The following PTPRN2 variants were observed in gnomAD, a reference collection of about 807,000 sequenced individuals.
PTPRN2 encodes receptor-type tyrosine-protein phosphatase N2.
A neutral mutation model predicts 118.8 loss-of-function variants in PTPRN2; 74 were observed. The observed-to-expected ratio is 0.62, with a 90% CI of 0.52 to 0.76. PTPRN2 has a LOEUF of 0.76. PTPRN2 is among the 30% of genes least tolerant of loss of function. The pLI is 0.00. For missense variants in PTPRN2, 1,481 were observed against 1,394.4 expected, an observed-to-expected ratio of 1.06 and a Z score of -0.99; for synonymous variants, 641 against 608.0, an observed-to-expected ratio of 1.05 and a Z score of -0.80.
chr7:158,511,181 T>G (rs1212559011), intron 1 of PTPRN2, among the ~76,000 whole-genome samples: 1 of 152,214 alleles, frequency 6.6e-6, no homozygotes, highest in Non-Finnish European at 1.5e-5. Flanking sequence ...CTACCCTTCA[T>G]GCTCTTACCT....
rs745458569 is a variant in PTPRN2 at position 158,587,589 on chromosome 7, G to C, written c.81C>G (p.Val27=). The change falls in exon 1 of 23, where the codon GTC becomes GTG. Residue 27 remains valine, a synonymous_variant. Transcript: ENST00000389418. ...GCCCCGGGAGCTGCCGGCCGCGGGG[G>C]ACGGACGAAGGGGCGGCAGGCAGGA... ...PRVLPAAPSS[V]PRGRQLPGRL... 1.0e-5 allele frequency: 14 copies of C among 1,340,754 alleles called. No homozygotes were observed. Among genetic ancestry groups the C allele is most frequent in the South Asian group, 1.9e-5 (1 of 53,462 alleles). The allele number at this position is 1,340,754 out of a possible 1,614,324, so 83.1% of individuals were successfully genotyped here.
At chr7:158,298,351 A>G (rs1159305291) in intron 3 of PTPRN2, among the ~76,000 whole-genome samples, 1 of 152,224 alleles carries the variant, frequency 6.6e-6, no homozygotes, top group Non-Finnish European at 1.5e-5. Flanking sequence ...CAGGTTGAAT[A>G]TCCCTCATCT....
At chr7:157,963,748 C>T (rs1563278773) in intron 11 of PTPRN2, among the ~76,000 whole-genome samples, 1 of 152,230 alleles carries the variant, frequency 6.6e-6, no homozygotes, top group Non-Finnish European at 1.5e-5. Context: ...CTTCCTGTCA[C>T]AGCACCTCGG....
At position 158,057,340 on chromosome 7, in the gene PTPRN2, G is replaced by A. The variant is rs77439951; in HGVS notation, c.1723+23958C>T. ...CTCCCATGACTGTTCTGCTAGAATC[G>A]TCAAACTTGGGGAAAAACAGGATTT... On this transcript the variant is annotated intron_variant, in intron 11 of 22. Coordinates refer to ENST00000389418, the MANE Select transcript of PTPRN2 (RefSeq NM_002847.5). Among the ~76,000 whole-genome samples, 929 of 152,270 alleles carry A rather than the reference G, an allele frequency of 6.1e-3. 10 individuals carry two copies. Among genetic ancestry groups the A allele is most frequent in the African/African-American group, 0.021 (864 of 41,548 alleles).
intron 12 of PTPRN2, among the ~76,000 whole-genome samples, chr7:157,790,775 A>G (rs1804438052): frequency 6.6e-6 from 1 of 152,230 alleles, no homozygotes; most frequent in African/African-American, 2.4e-5. Context: ...CAGAAGTATT[A>G]AAAGTTTGCT....
rs1297069512 is a variant in PTPRN2, at chr7:157,952,452, T to C, written c.1724-53715A>G. Reference sequence around the variant, plus strand: ...GACAGGCGAGGGTGGGTAGTGTGCATGCCTGAGACGGGGTGGGGGACACAG... The same window carrying C: ...GACAGGCGAGGGTGGGTAGTGTGCACGCCTGAGACGGGGTGGGGGACACAG... On this transcript the variant is annotated intron_variant, in intron 11 of 22. Transcript: ENST00000389418. 1.9e-4 allele frequency among the ~76,000 whole-genome samples: 16 copies of C among 85,898 alleles called. 2 individuals are homozygous for C. Among genetic ancestry groups the C allele is most frequent in the Admixed American group, 1.0e-3 (8 of 7,994 alleles). The allele number at this position is 85,898 out of a possible 152,430, so 56.4% of individuals were successfully genotyped here. A position where few individuals can be genotyped will look rare whatever the true frequency, so the allele number is the denominator to read the frequency against.
chr7:157,826,116 G>A (rs1469046545), intron 12 of PTPRN2, among the ~76,000 whole-genome samples: 2 of 151,518 alleles, frequency 1.3e-5, no homozygotes, highest in African/African-American at 4.8e-5. Flanking sequence ...ATTTCCACGC[G>A]TGCTGTGCTG....
At chr7:157,901,334 A>G (rs1797426069) in intron 11 of PTPRN2, among the ~76,000 whole-genome samples, 1 of 152,052 alleles carries the variant, frequency 6.6e-6, no homozygotes, top group African/African-American at 2.4e-5. Flanking sequence ...GGCCGAACCA[A>G]CCAGATGCAG....
intron 6 of PTPRN2, among the ~76,000 whole-genome samples, chr7:158,144,042 T>C (rs534104230): frequency 6.6e-6 from 1 of 152,244 alleles, no homozygotes; most frequent in African/African-American, 2.4e-5. Context: ...GGGGACAAGT[T>C]TGGGACAGAG....
chr7:157,897,961 G>A (rs1797227424), intron 12 of PTPRN2, among the ~76,000 whole-genome samples: 1 of 152,284 alleles, frequency 6.6e-6, no homozygotes, highest in South Asian at 2.1e-4. Context: ...TTCCTCAGAG[G>A]AGGCGCGTCC....
At chr7:158,412,414 A>T (rs1230508087) in intron 2 of PTPRN2, among the ~76,000 whole-genome samples, 2 of 84,818 alleles carry the variant, frequency 2.4e-5, no homozygotes, top group Non-Finnish European at 2.3e-5. Flanking sequence ...CCTCCTCAGC[A>T]CCAGGGCCCA....
intron 2 of PTPRN2, among the ~76,000 whole-genome samples, chr7:158,374,029 G>A (rs960405413): frequency 4.6e-5 from 7 of 152,198 alleles, no homozygotes; most frequent in African/African-American, 7.2e-5. Flanking sequence ...CTGTTCCCAC[G>A]GTGGCAACAC....
At chr7:158,489,334 C>T (rs1821260764) in intron 2 of PTPRN2, among the ~76,000 whole-genome samples, 2 of 152,214 alleles carry the variant, frequency 1.3e-5, no homozygotes, top group Non-Finnish European at 2.9e-5. Context: ...GTAATCCCAG[C>T]TACTCAGGAG....
At chr7:158,487,044 T>C (rs1821083866) in intron 2 of PTPRN2, among the ~76,000 whole-genome samples, 1 of 152,266 alleles carries the variant, frequency 6.6e-6, no homozygotes, top group Non-Finnish European at 1.5e-5. Context: ...CTTTTGTGAC[T>C]GGCTTATTTC....
intron 2 of PTPRN2, among the ~76,000 whole-genome samples, chr7:158,357,332 C>T (rs148050338): frequency 3.3e-5 from 5 of 152,370 alleles, no homozygotes; most frequent in East Asian, 3.9e-4. Flanking sequence ...GCCAGGCTGT[C>T]GTTGACGCCC....
At chr7:158,146,260 T>G (rs942569370) in intron 6 of PTPRN2, among the ~76,000 whole-genome samples, 1 of 152,234 alleles carries the variant, frequency 6.6e-6, no homozygotes, top group South Asian at 2.1e-4. Context: ...AACTATTTTC[T>G]GCCAAAATAT....
intron 12 of PTPRN2, among the ~76,000 whole-genome samples, chr7:157,891,777 G>C (rs1796823781): frequency 6.6e-6 from 1 of 152,176 alleles, no homozygotes. Context: ...GGTAGCGTGA[G>C]CTGAGCAGGG....
chr7:157,752,765 A>G (rs985499844), intron 12 of PTPRN2, among the ~76,000 whole-genome samples: 2 of 152,236 alleles, frequency 1.3e-5, no homozygotes, highest in African/African-American at 4.8e-5. Flanking sequence ...CACCCATCAA[A>G]GGCAGCAAAC....
In PTPRN2 at chr7:157,903,369, C is replaced by T. The variant is rs1797580345; in HGVS notation, c.1724-4632G>A. 2.0e-5 allele frequency among the ~76,000 whole-genome samples: 3 copies of T among 152,108 alleles called. No individual in the cohort carries two copies. Among genetic ancestry groups the T allele is most frequent in the Non-Finnish European group, 2.9e-5 (2 of 68,028 alleles). On this transcript the variant is annotated intron_variant, in intron 11 of 22. Transcript: ENST00000389418. The surrounding 1 kb of genome is among the most constrained non-coding windows in gnomAD (Gnocchi z 4.2). ...GAGCAAGCAAGACGGTACCCCAAAC[C>T]TCAGCATCACCAGTATGCCCAGGTC...
Sources: allele counts gnomAD v4.1 joint callset (sites outside exome capture counted in the v4.1 genomes callset), GRCh38; gene constraint gnomAD v4.1.1; non-coding constraint Gnocchi (gnomAD v3.1); transcripts MANE v1.5; gene names NCBI Gene and HGNC (gene_info 2026-07-23, HGNC 2026-07-21).